The following DIAPH2 variants were observed in gnomAD, a reference collection of about 807,000 sequenced individuals.
DIAPH2 encodes the protein protein diaphanous homolog 2.
Under a neutral mutation model 92.7 loss-of-function variants are expected in DIAPH2, and 35 were observed. That is an observed-to-expected ratio of 0.38 (90% confidence interval 0.29 to 0.50). The LOEUF is 0.50. Among genes scored for constraint, DIAPH2 ranks in the 20% least tolerant of loss-of-function variants. DIAPH2 has a pLI of 0.94. For missense variants in DIAPH2, 701 were observed against 819.5 expected (o/e 0.86, Z 1.77); for synonymous variants, 301 against 280.4 (o/e 1.07, Z -0.73).
At position 96,735,791 on chromosome X, in the gene DIAPH2, G is replaced by T. The variant is rs2064083365; in HGVS notation, c.165+1G>T. ...AATAAAAACTTTGGCAGATGATGTG[G>T]TAAGGTGGTCTTAGCATGTTATTAC... is the stretch of plus-strand genomic sequence containing the variant. On this transcript the variant is annotated splice_donor_variant, in intron 2 of 26. Transcript: ENST00000324765. LOFTEE classifies it high-confidence loss of function. The T allele has an allele frequency of 9.4e-7, 1 of 1,062,739 alleles. No homozygotes were observed. The highest frequency in any genetic ancestry group is 1.9e-5 in the African/African-American group (1 of 52,654). The allele number at this position is 1,062,739 out of a possible 1,213,427, so 87.6% of individuals were successfully genotyped here. A position where few individuals can be genotyped will look rare whatever the true frequency, so the allele number is the denominator to read the frequency against.
chrX:96,937,189 G>A, intron 10 of DIAPH2, 44 bp from the exon 11 acceptor site: 1 of 737,817 alleles, frequency 1.4e-6, no homozygotes, highest in Non-Finnish European at 1.9e-6. Flanking sequence ...ATATGCCGTT[G>A]TCAAACTGTT....
At chrX:97,234,331 C>CAAAAA (rs1182930277) in intron 22 of DIAPH2, among the ~76,000 whole-genome samples, 10 of 31,168 alleles carry the variant, frequency 3.2e-4, no homozygotes, top group African/African-American at 4.7e-4. Flanking sequence ...AACTCCATCT[C>CAAAAA]AAAAAAAAAA....
chrX:97,438,986 T>C (rs1222933460), intron 26 of DIAPH2, among the ~76,000 whole-genome samples: 2 of 112,308 alleles, frequency 1.8e-5, no homozygotes, highest in Non-Finnish European at 3.8e-5. Context: ...GTGTGATATG[T>C]AATTCATAGC....
At chrX:97,215,751 G>A in intron 22 of DIAPH2, among the ~76,000 whole-genome samples, 1 of 111,371 alleles carries the variant, frequency 9.0e-6, no homozygotes, top group East Asian at 2.8e-4. Context: ...TTCCAGTAGT[G>A]GGAAAAAAAT....
At chrX:97,238,880 C>A (rs780148303) in intron 22 of DIAPH2, among the ~76,000 whole-genome samples, 13 of 111,223 alleles carry the variant, frequency 1.2e-4, no homozygotes, top group African/African-American at 4.2e-4. Context: ...AATGGTATGC[C>A]GTTCCGCTGA....
intron 22 of DIAPH2, among the ~76,000 whole-genome samples, chrX:97,189,346 C>T (rs912579119): frequency 9.1e-6 from 1 of 110,262 alleles, no homozygotes; most frequent in Non-Finnish European, 1.9e-5. Flanking sequence ...GATGTGGCCC[C>T]CAAGGTCGTA....
chrX:96,859,592 A>G (rs1445948205), intron 4 of DIAPH2, among the ~76,000 whole-genome samples: 1 of 106,187 alleles, frequency 9.4e-6, no homozygotes, highest in Non-Finnish European at 1.9e-5. Flanking sequence ...GAATAGAAAG[A>G]AAGTTCAATA....
chrX:97,408,647 C>T (rs897817182), intron 25 of DIAPH2, among the ~76,000 whole-genome samples: 30 of 111,870 alleles, frequency 2.7e-4, no homozygotes, highest in African/African-American at 8.8e-4. Context: ...CTCATTCCCT[C>T]ATTTGATTCC....
At chrX:97,371,853 TA>T (rs1480983464) in intron 24 of DIAPH2, among the ~76,000 whole-genome samples, 1 of 111,990 alleles carries the variant, frequency 8.9e-6, no homozygotes, top group Non-Finnish European at 1.9e-5. Context: ...GTTTTTTCAT[TA>T]AAATATTGTT....
chrX:97,066,993 G>A (rs764196195), intron 17 of DIAPH2, among the ~76,000 whole-genome samples: 3 of 111,553 alleles, frequency 2.7e-5, no homozygotes, highest in Non-Finnish European at 3.8e-5. Flanking sequence ...CAGGTACTAT[G>A]CAGGTGTCAG....
At chrX:96,964,792 A>G (rs2065884814) in intron 16 of DIAPH2, among the ~76,000 whole-genome samples, 1 of 111,208 alleles carries the variant, frequency 9.0e-6, no homozygotes, top group Admixed American at 9.6e-5. Context: ...CAGGAACAAG[A>G]AGATTTTATG....
chrX:96,844,802 A>G (rs1235652274), intron 4 of DIAPH2, among the ~76,000 whole-genome samples: 1 of 111,874 alleles, frequency 8.9e-6, no homozygotes, highest in Non-Finnish European at 1.9e-5. Context: ...TCACGTCAAT[A>G]CACTAAACTT....
intron 22 of DIAPH2, among the ~76,000 whole-genome samples, chrX:97,185,435 GTGTA>G (rs750233294): frequency 3.6e-4 from 14 of 39,179 alleles, no homozygotes; most frequent in African/African-American, 2.2e-3. Context: ...ATATATATAT[GTGTA>G]TATATATATG....
rs773233775 is a variant in DIAPH2 at position 96,698,337 on chromosome X, GT to G, written c.132+13150del. ...GTTAAACAAGTACACGATATGCATT[GT>G]TTCTTGTTTAGGGGAGTGCCAAGAA... On this transcript the variant is annotated intron_variant, in intron 1 of 26. Coordinates refer to ENST00000324765, the MANE Select transcript of DIAPH2 (RefSeq NM_006729.5). 2.4e-4 allele frequency among the ~76,000 whole-genome samples: 27 copies of G among 111,885 alleles called. No individual in the cohort carries two copies. In the East Asian group the frequency reaches 7.6e-3, roughly 31 times the overall value.
chrX:96,801,593 G>A (rs1267628767), intron 4 of DIAPH2, among the ~76,000 whole-genome samples: 1 of 111,345 alleles, frequency 9.0e-6, no homozygotes, highest in Non-Finnish European at 1.9e-5. Flanking sequence ...ACAAAACTTA[G>A]AGATGTTGAG....
intron 18 of DIAPH2, 57 bp from the exon 19 acceptor site, chrX:97,075,110 T>C: frequency 1.3e-6 from 1 of 757,381 alleles, no homozygotes; most frequent in Middle Eastern, 3.4e-4. Flanking sequence ...AGACGTTTAT[T>C]AGGACTTTAA....
rs753554626 is a variant in DIAPH2 at position 97,222,588 on chromosome X, C to T, written c.2720-25127C>T. Among the ~76,000 whole-genome samples, 39 of 111,642 alleles carry T rather than the reference C, an allele frequency of 3.5e-4. No homozygotes were observed. In the South Asian group the frequency reaches 6.4e-3, roughly 18 times the overall value. Reference sequence around the variant, plus strand: ...AGTAGATTTACCCATGCACAGAAATCGAAGTCAATTTTTAGTGATAAGACC... The same window carrying T: ...AGTAGATTTACCCATGCACAGAAATTGAAGTCAATTTTTAGTGATAAGACC... On this transcript the variant is annotated intron_variant, in intron 22 of 26. Coordinates refer to ENST00000324765, the MANE Select transcript of DIAPH2 (RefSeq NM_006729.5).
intron 17 of DIAPH2, among the ~76,000 whole-genome samples, chrX:97,033,695 TTTG>T (rs1397614356): frequency 1.8e-5 from 2 of 112,199 alleles, no homozygotes; most frequent in Non-Finnish European, 3.8e-5. Context: ...GATAAGTTAC[TTTG>T]TGGTACATAT....
chrX:97,143,255 T>A (rs2067220198), intron 22 of DIAPH2, among the ~76,000 whole-genome samples: 1 of 110,948 alleles, frequency 9.0e-6, no homozygotes, highest in Admixed American at 9.7e-5. Flanking sequence ...TGTGAAATAA[T>A]AACATTTTAA....
Sources: gnomAD v4.1 joint callset for allele counts (sites outside exome capture counted in the v4.1 genomes callset) on GRCh38, gnomAD v4.1.1 for gene constraint, MANE v1.5 for transcripts, NCBI Gene and HGNC (gene_info 2026-07-23, HGNC 2026-07-21) for gene names.